CD302: variants seen among roughly 807,000 people sequenced by gnomAD.
CD302 encodes the protein CD302 molecule.
CD302 carries 23 observed loss-of-function variants against 26.5 expected under a neutral mutation model. The ratio of observed to expected loss-of-function variants is 0.87; its 90% CI spans 0.62 to 1.23. CD302 has a LOEUF of 1.23. Ranked by LOEUF, CD302 falls within the 50% of genes most tolerant of loss-of-function variation. The probability of loss-of-function intolerance (pLI) is 0.00; values close to 1 mark genes in which losing one functional copy is unlikely to be tolerated. For missense variants in CD302, 290 were observed against 275.5 expected (o/e 1.05, Z -0.37); for synonymous variants, 90 against 99.4 (o/e 0.91, Z 0.56).
intron 1 of CD302, among the ~76,000 whole-genome samples, chr2:159,794,853 T>C (rs974544834): frequency 1.4e-4 from 21 of 149,970 alleles, no homozygotes; most frequent in Non-Finnish European, 2.5e-4. Context: ...CAGCTCAAAA[T>C]TTATTTTAAA....
intron 1 of CD302, among the ~76,000 whole-genome samples, chr2:159,797,229 G>T (rs1682464328): frequency 2.3e-5 from 3 of 128,610 alleles, no homozygotes; most frequent in Non-Finnish European, 3.3e-5. Flanking sequence ...GGGTGGGGGG[G>T]GGGAATCTCT....
At chr2:159,774,868 C>CG (rs1708263042) in intron 5 of CD302, among the ~76,000 whole-genome samples, 1 of 152,176 alleles carries the variant, frequency 6.6e-6, no homozygotes, top group Non-Finnish European at 1.5e-5. Flanking sequence ...GGCAGCTACA[C>CG]TTAACTGTTG....
chr2:159,780,462 CCTT>C (rs758434233), intron 3 of CD302, among the ~76,000 whole-genome samples: 76 of 152,118 alleles, frequency 5.0e-4, no homozygotes, highest in Non-Finnish European at 8.1e-4. Context: ...TTAATAGTAA[CCTT>C]AGTAATTTCA....
At chr2:159,778,391 G>T (rs1466196651) in intron 4 of CD302, among the ~76,000 whole-genome samples, 2 of 152,122 alleles carry the variant, frequency 1.3e-5, no homozygotes, top group African/African-American at 4.8e-5. Context: ...TTATGTAATG[G>T]CACCCTGAGG....
chr2:159,775,200 G>C (rs1304116136), intron 5 of CD302, among the ~76,000 whole-genome samples: 2 of 152,100 alleles, frequency 1.3e-5, no homozygotes, highest in Non-Finnish European at 2.9e-5. Flanking sequence ...TTTGTTCATT[G>C]CTCTGTCTTC....
Position 159,771,803 on chromosome 2 carries a change from C to T in CD302, c.*48G>A. Reference sequence around the variant, plus strand: ...TATATTAAAATCTTTCCCAAGTTATCTCTGCCAGGGCATTTTGTTGATGTC... The same window carrying T: ...TATATTAAAATCTTTCCCAAGTTATTTCTGCCAGGGCATTTTGTTGATGTC... On this transcript the variant is annotated 3_prime_UTR_variant, in exon 6 of 6. Transcript: ENST00000259053. The T allele has an allele frequency of 6.3e-7, 1 of 1,592,812 alleles. No homozygotes were observed.
Position 159,771,886 on chromosome 2 carries a change from C to G in CD302, c.664G>C (p.Gly222Arg), listed in dbSNP as rs1232001859. 3 of 1,613,780 alleles carry G rather than the reference C, an allele frequency of 1.9e-6. No homozygotes were observed. The African/African-American group carries it at 4.0e-5, about 22-fold the overall frequency. The stretch of plus-strand genomic sequence containing the variant: ...TGAACAGGATATTCATTTTCTTCTC[C>G]AACTACCAAAACACAGTCTTCATTA... ...PYNEDCVLVV[G>R]EENEYPVQFD The change falls in exon 6 of 6, where the codon GGA becomes CGA. Residue 222 changes from glycine to arginine, a missense_variant. By Grantham distance (125) the Gly-to-Arg change is moderately radical. Transcript: ENST00000259053.
At chr2:159,774,889 T>C (rs1320136778) in intron 5 of CD302, among the ~76,000 whole-genome samples, 1 of 152,208 alleles carries the variant, frequency 6.6e-6, no homozygotes, top group Non-Finnish European at 1.5e-5. Flanking sequence ...GGTTGTTTCC[T>C]TGCTGCTTCA....
chr2:159,791,178 C>A (rs1708797260), intron 1 of CD302, among the ~76,000 whole-genome samples: 2 of 152,136 alleles, frequency 1.3e-5, no homozygotes, highest in African/African-American at 2.4e-5. Context: ...GCATGAGAGA[C>A]CTTTTCTGGC....
intron 1 of CD302, among the ~76,000 whole-genome samples, chr2:159,792,024 G>T (rs1048429145): frequency 6.6e-5 from 10 of 152,176 alleles, no homozygotes; most frequent in African/African-American, 2.4e-4. Context: ...AGTTTCTCTG[G>T]GTCAGGAATT....
rs368696051 is a variant in CD302 at position 159,795,006 on chromosome 2, C to T, written c.67+3126G>A. On this transcript the variant is annotated intron_variant, in intron 1 of 5. Coordinates refer to ENST00000259053, the MANE Select transcript of CD302 (RefSeq NM_014880.5). Reference sequence around the variant, plus strand: ...TTGGGAGGCCGAGGTGGGCAGATCACGAGGCCAGGAGTTTGAGACCAGCCT... The same window carrying T: ...TTGGGAGGCCGAGGTGGGCAGATCATGAGGCCAGGAGTTTGAGACCAGCCT... Among the ~76,000 whole-genome samples the T allele has an allele frequency of 4.5e-3, 687 of 151,364 alleles. 10 individuals carry two copies. Among genetic ancestry groups the T allele is most frequent in the South Asian group, 0.016 (77 of 4,784 alleles).
In CD302 at chr2:159,769,639, C is replaced by CCGT. The variant is rs1560036704; in HGVS notation, c.*2211_*2212insACG. The CCGT allele has an allele frequency of 9.6e-6, 1 of 104,592 alleles. No homozygotes were observed. The highest frequency in any genetic ancestry group is 4.8e-5 in the African/African-American group (1 of 20,626). The allele number at this position is 104,592 out of a possible 1,614,324, so 6.5% of individuals were successfully genotyped here. ...GTAGCCTGGGCAGCACAGTGAGACT[C>CCGT]CATCATATATATATATATAGCACTT... is the stretch of plus-strand genomic sequence containing the variant. On this transcript the variant is annotated 3_prime_UTR_variant, in exon 6 of 6. Transcript: ENST00000259053.
intron 1 of CD302, among the ~76,000 whole-genome samples, chr2:159,792,677 A>C (rs1708840160): frequency 6.6e-6 from 1 of 152,112 alleles, no homozygotes; most frequent in Non-Finnish European, 1.5e-5. Context: ...TTGACTTCAC[A>C]AGTTTATTGG....
chr2:159,778,245 G>GA (rs1412662648), intron 4 of CD302, among the ~76,000 whole-genome samples: 2 of 151,972 alleles, frequency 1.3e-5, no homozygotes, highest in Non-Finnish European at 2.9e-5. Flanking sequence ...TGAGGTAAAG[G>GA]AAAAAAGAGG....
chr2:159,772,123 C>A, intron 5 of CD302, 70 bp from the exon 6 acceptor site: 1 of 1,510,970 alleles, frequency 6.6e-7, no homozygotes, highest in South Asian at 1.2e-5. Context: ...TTTTGATGAG[C>A]ACAACTGTAG....
At position 159,783,399 on chromosome 2, in the gene CD302, T is replaced by C. The variant is rs148084425; in HGVS notation, c.138A>G (p.Val46=). 1 of 1,612,538 alleles carries C rather than the reference T, an allele frequency of 6.2e-7. No homozygotes were observed. Among genetic ancestry groups the C allele is most frequent in the African/African-American group, 1.3e-5 (1 of 74,968 alleles). Residue 46 remains valine (V), a synonymous_variant, in exon 2 of 6, where the codon GTA becomes GTG. Coordinates refer to ENST00000259053, the MANE Select transcript of CD302 (RefSeq NM_014880.5). ...GATTTCTGACATCCTCTATGCTTTC[T>C]ACTTTGATGGCTTCTTGGAGAAAAA... ...CYIFLQEAIK[V]ESIEDVRNQC... is the part of the protein sequence containing the mutation.
At chr2:159,787,529 A>T (rs1289527221) in intron 1 of CD302, among the ~76,000 whole-genome samples, 2 of 151,900 alleles carry the variant, frequency 1.3e-5, no homozygotes, top group East Asian at 3.9e-4. Context: ...TGTGACCTTG[A>T]TTTATTAATA....
At chr2:159,780,857 G>T (rs368457921) in intron 3 of CD302, 25 bp downstream of exon 3, 3 of 1,596,030 alleles carry the variant, frequency 1.9e-6, no homozygotes, top group African/African-American at 1.3e-5. Flanking sequence ...ACAAAGTCAC[G>T]TCCCACGAGG....
rs1423070111 is a variant in CD302 at position 159,798,147 on chromosome 2, C to T, written c.52G>A (p.Ala18Thr). ...AAGGGCTTACCCGCGACGGCAGCAG[C>T]GGCGAGGCCCAGCAACGGCAGCAGG... Reference protein sequence around the residue: ...ALLLPLLGLAAAAVADCPSST... With the variant: ...ALLLPLLGLATAAVADCPSST... Residue 18 changes from alanine to threonine, a missense_variant, in exon 1 of 6, where the codon GCT (alanine) becomes ACT (threonine). Ala to Thr is a moderately conservative substitution (Grantham distance 58, BLOSUM62 0). Transcript: ENST00000259053. 2 of 1,484,512 alleles carry T rather than the reference C, an allele frequency of 1.3e-6. No individual in the cohort carries two copies. The highest frequency in any genetic ancestry group is 2.9e-5 in the African/African-American group (2 of 68,394). 92.0% of individuals were successfully genotyped at this position (1,484,512 alleles called of 1,614,324 possible).
Sources: gnomAD v4.1 joint callset for allele counts (sites outside exome capture counted in the v4.1 genomes callset) on GRCh38, gnomAD v4.1.1 for gene constraint, MANE v1.5 for transcripts, NCBI Gene and HGNC (gene_info 2026-07-23, HGNC 2026-07-21) for gene names.